Variants in AVEN observed in about 807,000 individuals in gnomAD.
The protein encoded by AVEN is apoptosis and caspase activation inhibitor.
AVEN carries 41 observed loss-of-function variants against 38.1 expected under a neutral mutation model. The ratio of observed to expected loss-of-function variants is 1.08; its 90% CI spans 0.84 to 1.40. AVEN has a LOEUF of 1.40. AVEN is among the 40% of genes most tolerant of loss of function. The probability of loss-of-function intolerance (pLI) is 0.00; values close to 1 mark genes in which losing one functional copy is unlikely to be tolerated. For missense variants in AVEN, 605 were observed against 438.8 expected, an observed-to-expected ratio of 1.38 and a Z score of -3.38; for synonymous variants, 206 against 171.8, an observed-to-expected ratio of 1.20 and a Z score of -1.56.
At chr15:34,038,707 T>C in intron 1 of AVEN, 73 bp downstream of exon 1, 1 of 1,108,890 alleles carries the variant, frequency 9.0e-7, no homozygotes, top group Non-Finnish European at 1.1e-6. Flanking sequence ...CTCTTGCGGC[T>C]CTTGACTGGC....
intron 11 of AVEN, chr15:33,860,562 C>G (rs576730554): frequency 7.1e-7 from 1 of 1,405,342 alleles, no homozygotes; most frequent in Non-Finnish European, 9.8e-7. Context: ...AACCACTACA[C>G]AGATTGCTTT....
At chr15:33,870,346 C>T (rs1169912510) in intron 4 of AVEN, among the ~76,000 whole-genome samples, 1 of 152,176 alleles carries the variant, frequency 6.6e-6, no homozygotes, top group Non-Finnish European at 1.5e-5. Flanking sequence ...CTCTACTTGG[C>T]AGCCCCATCG....
intron 2 of AVEN, among the ~76,000 whole-genome samples, chr15:33,977,624 C>T (rs1895942388): frequency 6.6e-6 from 1 of 152,118 alleles, no homozygotes; most frequent in Non-Finnish European, 1.5e-5. Flanking sequence ...CTCATTACAG[C>T]CCTATGTCTA....
At chr15:33,884,993 G>A (rs1315336820) in intron 2 of AVEN, among the ~76,000 whole-genome samples, 1 of 152,152 alleles carries the variant, frequency 6.6e-6, no homozygotes, top group Non-Finnish European at 1.5e-5. Context: ...AGAAAGCAGA[G>A]GAATGTGTCA....
chr15:33,952,413 C>A (rs1195095451), intron 2 of AVEN, among the ~76,000 whole-genome samples: 2 of 152,142 alleles, frequency 1.3e-5, no homozygotes, highest in Non-Finnish European at 2.9e-5. Flanking sequence ...AATTGGGACA[C>A]CTGTAGTAAC....
At chr15:33,868,783 A>AGT (rs1411980668) in intron 4 of AVEN, among the ~76,000 whole-genome samples, 2 of 152,116 alleles carry the variant, frequency 1.3e-5, no homozygotes, top group African/African-American at 4.8e-5. Flanking sequence ...AGTGACGTGG[A>AGT]GTGTGTATGA....
chr15:33,927,116 G>A (rs1386104621), intron 2 of AVEN, among the ~76,000 whole-genome samples: 3 of 152,024 alleles, frequency 2.0e-5, no homozygotes. Flanking sequence ...TTAGCCGGGT[G>A]TGGTGGCGGG....
At chr15:34,071,678 A>C (rs1285253715) in intron 1 of AVEN, among the ~76,000 whole-genome samples, 3 of 152,216 alleles carry the variant, frequency 2.0e-5, no homozygotes, top group Non-Finnish European at 4.4e-5. Context: ...TGTACTAACT[A>C]CAGCTCAGTG....
chr15:33,864,935 G>A (rs975230377), downstream of AVEN: 4 of 514,722 alleles, frequency 7.8e-6, no homozygotes, highest in Non-Finnish European at 1.4e-5. Flanking sequence ...TTCCCTGCCA[G>A]CATGTGTCAG....
At chr15:33,890,979 C>T (rs1265816029) in intron 2 of AVEN, among the ~76,000 whole-genome samples, 1 of 151,998 alleles carries the variant, frequency 6.6e-6, no homozygotes, top group Non-Finnish European at 1.5e-5. Flanking sequence ...CGTGGTGGTG[C>T]ACATGTGTAG....
chr15:33,971,286 T>C (rs1895627842), intron 2 of AVEN, among the ~76,000 whole-genome samples: 1 of 152,094 alleles, frequency 6.6e-6, no homozygotes, highest in Admixed American at 6.6e-5. Flanking sequence ...CATTCACACA[T>C]ATTATATAAA....
chr15:33,982,594 T>G (rs1026318336), intron 2 of AVEN, among the ~76,000 whole-genome samples: 2 of 152,176 alleles, frequency 1.3e-5, no homozygotes, highest in African/African-American at 4.8e-5. Flanking sequence ...TTTACAATTT[T>G]TTTTAAATGC....
intron 2 of AVEN, among the ~76,000 whole-genome samples, chr15:33,986,633 GACCATAAGGCTC>G (rs146351760): frequency 0.15 from 22,175 of 152,002 alleles, 2,056 homozygotes; most frequent in Middle Eastern, 0.28. Context: ...AATAGATCAT[GACCATAAGGCTC>G]TATATCAGGT....
At chr15:33,918,467 T>C (rs1476897849) in intron 2 of AVEN, among the ~76,000 whole-genome samples, 1 of 135,916 alleles carries the variant, frequency 7.4e-6, no homozygotes, top group African/African-American at 3.0e-5. Context: ...GCTTTTTTTT[T>C]TTTTTTTTTT....
chr15:33,965,389 C>T (rs927432434), intron 2 of AVEN, among the ~76,000 whole-genome samples: 1 of 151,988 alleles, frequency 6.6e-6, no homozygotes, highest in Non-Finnish European at 1.5e-5. Flanking sequence ...GAAGCCGTTG[C>T]CATGGAAGAA....
intron 2 of AVEN, among the ~76,000 whole-genome samples, chr15:33,889,319 C>T (rs1034968168): frequency 2.6e-5 from 4 of 152,146 alleles, no homozygotes; most frequent in African/African-American, 9.7e-5. Flanking sequence ...TATAACAAAA[C>T]CTTTTCCCAC....
chr15:34,070,658 A>G (rs567002267), intron 1 of AVEN, among the ~76,000 whole-genome samples: 2 of 152,292 alleles, frequency 1.3e-5, no homozygotes, highest in East Asian at 3.9e-4. Flanking sequence ...GGTCCTAGAA[A>G]AGAAGACACA....
chr15:33,860,762 A>G, intron 11 of AVEN: 2 of 904,190 alleles, frequency 2.2e-6, no homozygotes, highest in Non-Finnish European at 3.4e-6. Context: ...GCCAGTACTA[A>G]GCAAGAACGC....
At chr15:33,928,759 G>A (rs900005171) in intron 2 of AVEN, among the ~76,000 whole-genome samples, 2 of 152,136 alleles carry the variant, frequency 1.3e-5, no homozygotes, top group Non-Finnish European at 2.9e-5. Flanking sequence ...GAAACTAATG[G>A]GGAGGTGCTC....
Sources: allele counts gnomAD v4.1 joint callset (sites outside exome capture counted in the v4.1 genomes callset), GRCh38; gene constraint gnomAD v4.1.1; transcripts MANE v1.5; gene names NCBI Gene and HGNC (gene_info 2026-07-23, HGNC 2026-07-21).